The following CLVS1 variants were observed in gnomAD, a reference collection of about 807,000 sequenced individuals.
The protein encoded by CLVS1 is clavesin-1.
In CLVS1, 10 loss-of-function variants were observed where a neutral mutation model predicts 33.1. The observed-to-expected ratio is 0.30, with a 90% CI of 0.19 to 0.51. The LOEUF (loss-of-function observed/expected upper bound fraction) is 0.51, where lower values mean the gene tolerates loss of function less well. Ranked by LOEUF, CLVS1 falls within the 20% of genes least tolerant of loss-of-function variation. The pLI, the probability that CLVS1 is intolerant of heterozygous loss-of-function variation, is 0.97. For synonymous variants in CLVS1, 163 were observed against 166.1 expected, an observed-to-expected ratio of 0.98 and a Z score of 0.14; for missense variants, 343 against 433.4, an observed-to-expected ratio of 0.79 and a Z score of 1.85.
chr8:61,177,579 A>C (rs1244334568), intron 2 of CLVS1, among the ~76,000 whole-genome samples: 1 of 152,124 alleles, frequency 6.6e-6, no homozygotes, highest in Admixed American at 6.5e-5. Flanking sequence ...GAGCTTTCCT[A>C]CTGGCATCAA....
At chr8:61,375,468 C>G (rs1286796901) in intron 2 of CLVS1, among the ~76,000 whole-genome samples, 1 of 152,144 alleles carries the variant, frequency 6.6e-6, no homozygotes, top group Non-Finnish European at 1.5e-5. Context: ...CCAGGCTGGT[C>G]TCAATCTCCT....
Position 61,313,081 on chromosome 8 carries a change from C to T in CLVS1, c.455+12799C>T, listed in dbSNP as rs146452725. On this transcript the variant is annotated intron_variant, in intron 2 of 5. Transcript: ENST00000325897. ...TGCATCACAGCTCTTCCCACCTTCGCGTATACAGTTCCTCCCATTCAGTCT... is the reference window on the plus strand; with the variant it reads ...TGCATCACAGCTCTTCCCACCTTCGTGTATACAGTTCCTCCCATTCAGTCT... Among the ~76,000 whole-genome samples the T allele has an allele frequency of 3.6e-4, 55 of 152,248 alleles. No homozygotes were observed. The South Asian group carries it at 4.6e-3, about 13-fold the overall frequency.
intron 2 of CLVS1, among the ~76,000 whole-genome samples, chr8:61,352,558 G>C (rs1812512529): frequency 6.6e-6 from 1 of 151,870 alleles, no homozygotes; most frequent in Admixed American, 6.6e-5. Context: ...TAGACTGAAA[G>C]TAAAAAGATA....
chr8:61,006,912 T>C, the CLVS1 span, among the ~76,000 whole-genome samples: 1 of 152,338 alleles, frequency 6.6e-6, no homozygotes, highest in South Asian at 2.1e-4. Flanking sequence ...CAAATATCTA[T>C]ACAACACTTT....
At chr8:61,142,016 T>G (rs901950269) in intron 2 of CLVS1, among the ~76,000 whole-genome samples, 1 of 152,240 alleles carries the variant, frequency 6.6e-6, no homozygotes, top group Non-Finnish European at 1.5e-5. Context: ...GCACAGTTTT[T>G]CTTGTGCACA....
At chr8:61,064,950 G>A (rs1169708459) in intron 1 of CLVS1, among the ~76,000 whole-genome samples, 3 of 152,306 alleles carry the variant, frequency 2.0e-5, no homozygotes, top group Non-Finnish European at 2.9e-5. Context: ...TGATCCGCAC[G>A]CCTTGGCCTC....
chr8:61,484,375 C>T (rs1050819523), intron 5 of CLVS1, among the ~76,000 whole-genome samples: 1 of 152,080 alleles, frequency 6.6e-6, no homozygotes, highest in Non-Finnish European at 1.5e-5. Flanking sequence ...ACCTAGGAAT[C>T]CAACTTACAA....
intron 2 of CLVS1, among the ~76,000 whole-genome samples, chr8:61,227,244 A>G (rs371971168): frequency 1.3e-5 from 2 of 151,998 alleles, no homozygotes; most frequent in Admixed American, 1.3e-4. Context: ...TTAAGAATGA[A>G]GTCCTTTTGG....
chr8:60,990,288 G>A, the CLVS1 span, among the ~76,000 whole-genome samples: 1 of 152,148 alleles, frequency 6.6e-6, no homozygotes, highest in Non-Finnish European at 1.5e-5. Flanking sequence ...CAAAATCAGG[G>A]AGGTCTGATT....
chr8:60,966,226 A>C, the CLVS1 span: 1 of 373,318 alleles, frequency 2.7e-6, no homozygotes, highest in Non-Finnish European at 5.3e-6. Context: ...TGGTACCCTA[A>C]CTAGCGCGGC....
intron 1 of CLVS1, among the ~76,000 whole-genome samples, chr8:61,084,721 A>G (rs1805087596): frequency 6.6e-6 from 1 of 152,248 alleles, no homozygotes; most frequent in African/African-American, 2.4e-5. Flanking sequence ...TGTGTAATGT[A>G]AAAACCTGTG....
At chr8:61,223,379 A>T (rs1045645933) in intron 2 of CLVS1, among the ~76,000 whole-genome samples, 1 of 152,132 alleles carries the variant, frequency 6.6e-6, no homozygotes, top group African/African-American at 2.4e-5. Context: ...CCTGGTGGTG[A>T]TGAAATCTCT....
chr8:61,399,444 T>C (rs1435065394), intron 3 of CLVS1, among the ~76,000 whole-genome samples: 1 of 152,206 alleles, frequency 6.6e-6, no homozygotes, highest in Non-Finnish European at 1.5e-5. Context: ...TGCTGGACCT[T>C]TGTCAGATGG....
intron 1 of CLVS1, among the ~76,000 whole-genome samples, chr8:61,072,681 T>A (rs147015687): frequency 9.2e-5 from 14 of 152,352 alleles, no homozygotes; most frequent in Admixed American, 7.2e-4. Flanking sequence ...TTCTCACTTA[T>A]AACACCAATG....
chr8:61,233,407 A>G (rs971712731), intron 2 of CLVS1, among the ~76,000 whole-genome samples: 5 of 151,724 alleles, frequency 3.3e-5, no homozygotes, highest in African/African-American at 1.2e-4. Flanking sequence ...GTTGTCAGCC[A>G]TTCTCTATCA....
At chr8:61,026,820 A>T in the CLVS1 span, among the ~76,000 whole-genome samples, 2 of 152,184 alleles carry the variant, frequency 1.3e-5, no homozygotes, top group East Asian at 3.9e-4. Flanking sequence ...GAACAGAGTT[A>T]AACTCTGTGG....
intron 2 of CLVS1, among the ~76,000 whole-genome samples, chr8:61,353,270 T>C (rs56882899): frequency 0.09 from 13,704 of 152,012 alleles, 1,636 homozygotes; most frequent in African/African-American, 0.27. Flanking sequence ...CTGTGGAACA[T>C]TCATCAAGAT....
chr8:61,471,589 G>A (rs1817739137), intron 5 of CLVS1, among the ~76,000 whole-genome samples: 1 of 152,110 alleles, frequency 6.6e-6, no homozygotes, highest in South Asian at 2.1e-4. Flanking sequence ...TGCACCCAGA[G>A]CATGGCCAAG....
At chr8:61,437,079 G>A (rs761120906) in intron 3 of CLVS1, among the ~76,000 whole-genome samples, 2 of 152,190 alleles carry the variant, frequency 1.3e-5, no homozygotes, top group Non-Finnish European at 2.9e-5. Context: ...GTCTATCAAG[G>A]TAAGTTTAGA....
Sources: allele counts gnomAD v4.1 joint callset (sites outside exome capture counted in the v4.1 genomes callset), GRCh38; gene constraint gnomAD v4.1.1; transcripts MANE v1.5; gene names NCBI Gene and HGNC (gene_info 2026-07-23, HGNC 2026-07-21).